The following METTL15 variants were observed in gnomAD, a reference collection of about 807,000 sequenced individuals.
The protein encoded by METTL15 is 12S rRNA N(4)-cytidine methyltransferase METTL15.
Under a neutral mutation model 38.3 loss-of-function variants are expected in METTL15, and 34 were observed. The observed-to-expected ratio is 0.89, with a 90% CI of 0.68 to 1.18. The LOEUF is 1.18. Ranked by LOEUF, METTL15 falls within the 50% of genes most tolerant of loss-of-function variation. The probability of loss-of-function intolerance (pLI) is 0.00; values close to 1 mark genes in which losing one functional copy is unlikely to be tolerated. For synonymous variants in METTL15, 162 were observed against 170.9 expected (o/e 0.95, Z 0.41); for missense variants, 438 against 498.4 (o/e 0.88, Z 1.15).
intron 6 of METTL15, among the ~76,000 whole-genome samples, chr11:28,451,842 T>C (rs1156792241): frequency 6.6e-6 from 1 of 152,174 alleles, no homozygotes; most frequent in African/African-American, 2.4e-5. Context: ...TCCAGAAAAG[T>C]TATTGCCTTA....
intron 6 of METTL15, among the ~76,000 whole-genome samples, chr11:28,450,424 T>C (rs969650103): frequency 1.3e-5 from 2 of 152,234 alleles, no homozygotes; most frequent in Non-Finnish European, 2.9e-5. Context: ...TTCTAATCTG[T>C]AAAATATGAT....
chr11:28,290,543 C>A, intron 5 of METTL15, 146 bp downstream of exon 5: 1 of 694,526 alleles, frequency 1.4e-6, no homozygotes, highest in Non-Finnish European at 2.3e-6. Flanking sequence ...TTGTTTCATA[C>A]TCATTATACA....
chr11:28,279,514 C>A (rs987511391), intron 4 of METTL15, among the ~76,000 whole-genome samples: 2 of 151,952 alleles, frequency 1.3e-5, no homozygotes, highest in African/African-American at 2.4e-5. Flanking sequence ...AAAATTAGTC[C>A]ATTTCTTCAT....
intron 4 of METTL15, among the ~76,000 whole-genome samples, chr11:28,223,520 G>A (rs1743239461): frequency 6.6e-6 from 1 of 152,100 alleles, no homozygotes; most frequent in African/African-American, 2.4e-5. Flanking sequence ...GGCACAGAAT[G>A]AAACAGTTTG....
intron 3 of METTL15, among the ~76,000 whole-genome samples, chr11:28,199,147 T>C (rs951381549): frequency 6.6e-6 from 1 of 152,138 alleles, no homozygotes; most frequent in African/African-American, 2.4e-5. Context: ...CCCCATGAAT[T>C]GTATATACAG....
intron 5 of METTL15, among the ~76,000 whole-genome samples, chr11:28,404,753 G>A (rs1424626302): frequency 6.6e-6 from 1 of 152,102 alleles, no homozygotes; most frequent in African/African-American, 2.4e-5. Flanking sequence ...AGATAATGCA[G>A]AAAATGTAGA....
intron 3 of METTL15, among the ~76,000 whole-genome samples, chr11:28,177,190 A>G (rs1176670628): frequency 1.3e-5 from 2 of 152,146 alleles, no homozygotes; most frequent in African/African-American, 2.4e-5. Context: ...TTGAAAATAC[A>G]TAAACTTTGT....
At chr11:28,321,565 T>G (rs1251675918) in intron 6 of METTL15, among the ~76,000 whole-genome samples, 1 of 152,188 alleles carries the variant, frequency 6.6e-6, no homozygotes, top group Non-Finnish European at 1.5e-5. Context: ...CTATGTTTCC[T>G]GGATGCATTG....
At chr11:28,184,458 T>G (rs1851418846) in intron 3 of METTL15, among the ~76,000 whole-genome samples, 1 of 152,034 alleles carries the variant, frequency 6.6e-6, no homozygotes, top group Admixed American at 6.6e-5. Flanking sequence ...TGGTACGTTG[T>G]GTTTTCGTTC....
intron 6 of METTL15, among the ~76,000 whole-genome samples, chr11:28,476,648 T>C (rs1851348974): frequency 6.6e-6 from 1 of 152,156 alleles, no homozygotes; most frequent in African/African-American, 2.4e-5. Context: ...TTTCAGACCA[T>C]GTAGAAGGGC....
chr11:28,204,219 T>C (rs371876912), intron 3 of METTL15, among the ~76,000 whole-genome samples: 163 of 152,098 alleles, frequency 1.1e-3, no homozygotes, highest in African/African-American at 2.1e-3. Context: ...GGTTTGTATA[T>C]TTTCTACTTT....
At chr11:28,371,895 C>T (rs1239370775) in intron 5 of METTL15, among the ~76,000 whole-genome samples, 1 of 151,996 alleles carries the variant, frequency 6.6e-6, no homozygotes, top group Non-Finnish European at 1.5e-5. Flanking sequence ...TTGTTAGAGA[C>T]TTTAGGTTTT....
chr11:28,149,298 CAG>C (rs1460450172), intron 3 of METTL15, among the ~76,000 whole-genome samples: 2 of 151,392 alleles, frequency 1.3e-5, no homozygotes, highest in African/African-American at 4.8e-5. Context: ...TTGGCACAGA[CAG>C]AGATGATAAT....
chr11:28,325,435 A>G (rs541042957), intron 6 of METTL15, among the ~76,000 whole-genome samples: 90 of 152,304 alleles, frequency 5.9e-4, no homozygotes, highest in African/African-American at 2.1e-3. Context: ...GGCTTTATAC[A>G]TAAGTTTTGG....
At chr11:28,253,193 C>T (rs1429595698) in intron 4 of METTL15, among the ~76,000 whole-genome samples, 1 of 152,204 alleles carries the variant, frequency 6.6e-6, no homozygotes, top group Non-Finnish European at 1.5e-5. Context: ...GAAATTGCTA[C>T]TCAGTAGGCT....
intron 4 of METTL15, among the ~76,000 whole-genome samples, chr11:28,234,075 A>T (rs1354543498): frequency 6.6e-6 from 1 of 150,754 alleles, no homozygotes; most frequent in East Asian, 2.0e-4. Flanking sequence ...TGTCCTTGCG[A>T]TAGTTTACTG....
chr11:28,269,343 G>A (rs12797712), intron 4 of METTL15, among the ~76,000 whole-genome samples: 34,977 of 151,542 alleles, frequency 0.23, 4,184 homozygotes, highest in Non-Finnish European at 0.25. Flanking sequence ...ATATGCATGT[G>A]CATGTATGTA....
At chr11:28,445,038 G>A (rs1851064012) in intron 6 of METTL15, among the ~76,000 whole-genome samples, 1 of 152,054 alleles carries the variant, frequency 6.6e-6, no homozygotes, top group African/African-American at 2.4e-5. Context: ...AAACATGAGA[G>A]ACAAGCTGAG....
rs1391330873 is a variant in METTL15, at chr11:28,197,688, A to G, written c.271-13374A>G. On this transcript the variant is annotated intron_variant, in intron 3 of 6. Transcript: ENST00000407364. ...TTCTATTTCTCCCTGCAATATGCAC[A>G]TATGTGCATATATGTAATTGTACAT... 4 of 265,208 alleles carry G rather than the reference A, an allele frequency of 1.5e-5. No individual in the cohort carries two copies. In the East Asian group the frequency reaches 3.2e-4, roughly 21 times the overall value. 16.4% of individuals were successfully genotyped at this position (265,208 alleles called of 1,614,324 possible).
Sources: gnomAD v4.1 joint callset for allele counts (sites outside exome capture counted in the v4.1 genomes callset) on GRCh38, gnomAD v4.1.1 for gene constraint, MANE v1.5 for transcripts, NCBI Gene and HGNC (gene_info 2026-07-23, HGNC 2026-07-21) for gene names.